The following SIM2 variants were observed in gnomAD, a reference collection of about 807,000 sequenced individuals.
The protein encoded by SIM2 is SIM bHLH transcription factor 2.
SIM2 carries 28 observed loss-of-function variants against 64.8 expected under a neutral mutation model. The observed-to-expected ratio is 0.43, with a 90% CI of 0.32 to 0.59. The LOEUF (loss-of-function observed/expected upper bound fraction) is 0.59, where lower values mean the gene tolerates loss of function less well. Ranked by LOEUF, SIM2 falls within the 20% of genes least tolerant of loss-of-function variation. The pLI is 0.07. For missense variants in SIM2, 847 were observed against 871.4 expected (o/e 0.97, Z 0.35); for synonymous variants, 408 against 391.1 (o/e 1.04, Z -0.51).
chr21:36,706,678 A>G (rs563379901), intron 1 of SIM2, among the ~76,000 whole-genome samples: 16 of 152,238 alleles, frequency 1.1e-4, no homozygotes, highest in Admixed American at 1.0e-3. Flanking sequence ...GCTGAGTGAA[A>G]AAACCTCGCC....
intron 1 of SIM2, among the ~76,000 whole-genome samples, chr21:36,708,261 C>T (rs1446086673): frequency 6.6e-6 from 1 of 152,196 alleles, no homozygotes; most frequent in Non-Finnish European, 1.5e-5. Context: ...GGCTTTCCTG[C>T]TTCCTCGGAC....
chr21:36,712,192 C>T (rs977453028), intron 2 of SIM2, among the ~76,000 whole-genome samples: 6 of 152,090 alleles, frequency 3.9e-5, no homozygotes, highest in Non-Finnish European at 7.4e-5. Flanking sequence ...CATAGAACTC[C>T]GGATTTGTAC....
chr21:36,745,760 G>A lies in SIM2; in HGVS notation c.1576+624G>A. 1 of 1,301,858 alleles carries A rather than the reference G, an allele frequency of 7.7e-7. No individual in the cohort carries two copies. The highest frequency in any genetic ancestry group is 1.0e-6 in the Non-Finnish European group (1 of 987,112). The allele number at this position is 1,301,858 out of a possible 1,614,324, so 80.6% of individuals were successfully genotyped here. ...CTGCCCTGTACATGCTAGTTCAACAGAAAGGAATGGCCTTTCACCTTCTCC... is the reference window on the plus strand; with the variant it reads ...CTGCCCTGTACATGCTAGTTCAACAAAAAGGAATGGCCTTTCACCTTCTCC... On this transcript the variant is annotated intron_variant, in intron 10 of 10. Transcript: ENST00000290399. This position sits in a 1 kb window ranked among gnomAD's most constrained non-coding sequence, Gnocchi z 4.8.
intron 1 of SIM2, among the ~76,000 whole-genome samples, chr21:36,703,115 T>C (rs970731180): frequency 3.9e-5 from 6 of 152,100 alleles, no homozygotes; most frequent in African/African-American, 1.4e-4. Flanking sequence ...ATGTTCTCAC[T>C]CCACTGCACC....
rs528359351 is a variant in SIM2 at position 36,748,530 on chromosome 21, G to A, written c.*438G>A. ...GGCAGACCTGGGAGGGGACGCCTGT[G>A]TCACGAGCCCTTTTAGATGCTTAGG... On this transcript the variant is annotated 3_prime_UTR_variant, in exon 11 of 11. Transcript: ENST00000290399. The A allele has an allele frequency of 6.6e-6, 1 of 152,456 alleles. No individual in the cohort carries two copies. Among genetic ancestry groups the A allele is most frequent in the Non-Finnish European group, 1.5e-5 (1 of 68,076 alleles). The allele number at this position is 152,456 out of a possible 1,614,324, so 9.4% of individuals were successfully genotyped here. A position where few individuals can be genotyped will look rare whatever the true frequency, so the allele number is the denominator to read the frequency against.
intron 7 of SIM2, among the ~76,000 whole-genome samples, chr21:36,733,923 G>A (rs1013800026): frequency 6.6e-6 from 1 of 152,218 alleles, no homozygotes; most frequent in Admixed American, 6.5e-5. Flanking sequence ...GTGGTGCTCA[G>A]TCAGTGCCTC....
At position 36,748,576 on chromosome 21, in the gene SIM2, G is replaced by C. The variant is rs1271430094; in HGVS notation, c.*484G>C. The stretch of plus-strand genomic sequence containing the variant: ...TTAGGTGAAGGCAGAAGTGATGATT[G>C]TAAGTCCCATGAATACACAACTCCA... On this transcript the variant is annotated 3_prime_UTR_variant, in exon 11 of 11. Transcript: ENST00000290399. 6.6e-6 allele frequency: 1 copy of C among 152,274 alleles called. No homozygotes were observed. The highest frequency in any genetic ancestry group is 2.4e-5 in the African/African-American group (1 of 41,474). 9.4% of individuals were successfully genotyped at this position (152,274 alleles called of 1,614,324 possible).
Position 36,747,940 on chromosome 21 carries a change from G to A in SIM2, c.1852G>A (p.Ala618Thr), listed in dbSNP as rs967004609. ...RRGPLGGAAP[A>T]ASGLACAPGG... ...CGGACCGCTGGGGGGCGCCGCACCC[G>A]CCGCCTCCGGCCTGGCCTGCGCTCC... Residue 618 changes from alanine (A) to threonine (T), a missense_variant, in exon 11 of 11, where the codon GCC (alanine) becomes ACC (threonine). Coordinates refer to ENST00000290399, the MANE Select transcript of SIM2 (RefSeq NM_005069.6). The surrounding 1 kb of genome is among the most constrained non-coding windows in gnomAD (Gnocchi z 4.5). 9.8e-7 allele frequency: 1 copy of A among 1,020,958 alleles called. No individual in the cohort carries two copies. Among genetic ancestry groups the A allele is most frequent in the Non-Finnish European group, 1.2e-6 (1 of 855,912 alleles). The allele number at this position is 1,020,958 out of a possible 1,614,324, so 63.2% of individuals were successfully genotyped here. A position where few individuals can be genotyped will look rare whatever the true frequency, so the allele number is the denominator to read the frequency against.
chr21:36,726,357 G>C lies in SIM2; in HGVS notation c.743+39G>C, dbSNP rs764482694. On this transcript the variant is annotated intron_variant, in intron 6 of 10. Transcript: ENST00000290399. This position sits in a 1 kb window ranked among gnomAD's most constrained non-coding sequence, Gnocchi z 4.5. ...CTGCCACAGTGGCTGTGGCCTTCTG[G>C]AAGACACCGGTGGTGGAAATGGGTC... 2.5e-6 allele frequency: 4 copies of C among 1,572,424 alleles called. No homozygotes were observed. In the Admixed American group the frequency reaches 5.3e-5, roughly 21 times the overall value.
At chr21:36,704,501 G>A (rs141117455) in intron 1 of SIM2, among the ~76,000 whole-genome samples, 1,947 of 152,326 alleles carry the variant, frequency 0.013, 18 homozygotes, top group Non-Finnish European at 0.02. Context: ...GTGGTAAAGG[G>A]GACACCCGGG....
intron 4 of SIM2, among the ~76,000 whole-genome samples, chr21:36,720,804 C>T (rs370630021): frequency 1.0e-3 from 157 of 152,336 alleles, no homozygotes; most frequent in African/African-American, 3.5e-3. Context: ...AGGACTTATT[C>T]CAGGGGCCCT....
intron 6 of SIM2, among the ~76,000 whole-genome samples, chr21:36,728,476 T>A (rs978316862): frequency 1.6e-4 from 25 of 152,166 alleles, no homozygotes; most frequent in African/African-American, 6.0e-4. Context: ...GGCTCCCGCG[T>A]CTCAGGGTGT....
Position 36,741,745 on chromosome 21 carries a change from G to A in SIM2, c.879G>A (p.Lys293=). ...LLLVKGQVTT[K]YYRLLSKRGG... ...TGGTGAAGGGCCAGGTCACCACCAA[G>A]TACTACCGGCTGCTGTCCAAGCGGG... Residue 293 remains lysine, a synonymous_variant, in exon 8 of 11, where the codon AAG becomes AAA. Transcript: ENST00000290399. 1 of 1,613,552 alleles carries A rather than the reference G, an allele frequency of 6.2e-7. No individual in the cohort carries two copies. The highest frequency in any genetic ancestry group is 8.5e-7 in the Non-Finnish European group (1 of 1,179,996).
Position 36,712,583 on chromosome 21 carries a change from T to C in SIM2, c.309T>C (p.Tyr103=). ...FVVASDGKIM[Y]ISETASVHLG... is the part of the protein sequence containing the mutation. Reference sequence around the variant, plus strand: ...TAGCATCTGATGGCAAAATCATGTATATATCCGAGACCGCTTCTGTCCATT... The same window carrying C: ...TAGCATCTGATGGCAAAATCATGTACATATCCGAGACCGCTTCTGTCCATT... Residue 103 remains tyrosine, a synonymous_variant, in exon 3 of 11, where the codon TAT becomes TAC. Coordinates refer to ENST00000290399, the MANE Select transcript of SIM2 (RefSeq NM_005069.6). The C allele has an allele frequency of 1.2e-6, 2 of 1,613,908 alleles. No homozygotes were observed. The highest frequency in any genetic ancestry group is 1.7e-6 in the Non-Finnish European group (2 of 1,179,832).
At chr21:36,715,235 GTT>G (rs2088731384) in intron 3 of SIM2, among the ~76,000 whole-genome samples, 1 of 150,560 alleles carries the variant, frequency 6.6e-6, no homozygotes, top group South Asian at 2.1e-4. Context: ...TCTTCCCCCT[GTT>G]CATGATTAAC....
chr21:36,705,084 C>T (rs1417992714), intron 1 of SIM2, among the ~76,000 whole-genome samples: 4 of 152,206 alleles, frequency 2.6e-5, no homozygotes, highest in African/African-American at 7.2e-5. Context: ...TACGCCCTGG[C>T]ACAGGTTCCC....
rs375415183 is a variant in SIM2 at position 36,699,821 on chromosome 21, G to A, written c.75G>A (p.Lys25=). The A allele has an allele frequency of 9.9e-5, 159 of 1,611,268 alleles. No individual in the cohort carries two copies. Among genetic ancestry groups the A allele is most frequent in the Non-Finnish European group, 1.2e-4 (142 of 1,178,952 alleles). ...KENGEFYELA[K]LLPLPSAITS... is the part of the protein sequence containing the mutation. ...ATGGCGAGTTTTACGAGCTTGCCAA[G>A]CTGCTCCCGCTGCCGTCGGCCATCA... The change falls in exon 1 of 11, where the codon AAG becomes AAA. Residue 25 remains lysine, a synonymous_variant. Transcript: ENST00000290399. This position sits in a 1 kb window ranked among gnomAD's most constrained non-coding sequence, Gnocchi z 5.6.
intron 1 of SIM2, among the ~76,000 whole-genome samples, chr21:36,703,334 C>G (rs562666130): frequency 6.6e-6 from 1 of 152,148 alleles, no homozygotes; most frequent in Non-Finnish European, 1.5e-5. Context: ...CAGCGCTACT[C>G]GGCCTTGGTC....
At position 36,745,184 on chromosome 21, in the gene SIM2, G is replaced by A. The variant is rs201454422; in HGVS notation, c.1576+48G>A. 2.1e-4 allele frequency: 322 copies of A among 1,560,864 alleles called. 2 individuals carry two copies. In the African/African-American group the frequency reaches 2.7e-3, roughly 13 times the overall value. On this transcript the variant is annotated intron_variant, in intron 10 of 10. Coordinates refer to ENST00000290399, the MANE Select transcript of SIM2 (RefSeq NM_005069.6). This position sits in a 1 kb window ranked among gnomAD's most constrained non-coding sequence, Gnocchi z 4.8. Reference sequence around the variant, plus strand: ...GAAGGTGGGAGGACTGCGCACGGCCGGGAGCCGAAGCAGCCATGGCGGTGG... The same window carrying A: ...GAAGGTGGGAGGACTGCGCACGGCCAGGAGCCGAAGCAGCCATGGCGGTGG...
Sources: allele counts gnomAD v4.1 joint callset (sites outside exome capture counted in the v4.1 genomes callset), GRCh38; gene constraint gnomAD v4.1.1; non-coding constraint Gnocchi (gnomAD v3.1); transcripts MANE v1.5; gene names NCBI Gene and HGNC (gene_info 2026-07-23, HGNC 2026-07-21).